DNAJC13: variants seen among roughly 807,000 people sequenced by gnomAD.
The protein encoded by DNAJC13 is DnaJ heat shock protein family (Hsp40) member C13.
Under a neutral mutation model 290.5 loss-of-function variants are expected in DNAJC13, and 75 were observed. The observed-to-expected ratio is 0.26, with a 90% CI of 0.21 to 0.31. The LOEUF (loss-of-function observed/expected upper bound fraction) is 0.31. DNAJC13 is among the 10% of genes least tolerant of loss of function. The pLI, the probability that DNAJC13 is intolerant of heterozygous loss-of-function variation, is 1.00. For synonymous variants in DNAJC13, 862 were observed against 892.0 expected, an observed-to-expected ratio of 0.97 and a Z score of 0.60; for missense variants, 2,260 against 2,674.5, an observed-to-expected ratio of 0.85 and a Z score of 3.42.
At chr3:132,462,350 T>G in intron 15 of DNAJC13, 117 bp from the exon 16 acceptor site, 2 of 902,856 alleles carry the variant, frequency 2.2e-6, no homozygotes, top group Non-Finnish European at 1.7e-6. Flanking sequence ...TATCCTTTAC[T>G]AATTTTGTGG....
At chr3:132,509,462 C>T (rs1403489760) in intron 43 of DNAJC13, among the ~76,000 whole-genome samples, 3 of 152,158 alleles carry the variant, frequency 2.0e-5, no homozygotes, top group African/African-American at 7.2e-5. Flanking sequence ...TGTGAAGATG[C>T]TGTGAACATT....
At chr3:132,439,319 C>G (rs551077449) in intron 2 of DNAJC13, among the ~76,000 whole-genome samples, 42 of 152,240 alleles carry the variant, frequency 2.8e-4, no homozygotes, top group African/African-American at 9.9e-4. Context: ...ATTTCTAATA[C>G]CTTTCTTATA....
At position 132,417,559 on chromosome 3, in the gene DNAJC13, G is replaced by A. The variant is rs1254182034; in HGVS notation, c.-215G>A. 1 of 152,172 alleles carries A rather than the reference G, an allele frequency of 6.6e-6. No homozygotes were observed. The highest frequency in any genetic ancestry group is 1.5e-5 in the Non-Finnish European group (1 of 68,036). 9.4% of individuals were successfully genotyped at this position (152,172 alleles called of 1,614,324 possible). ...GGCGGCCTCCAGAGTGAAACTCTGA[G>A]AGGCAGAGGGAGGAGGCGGAGGGGG... On this transcript the variant is annotated 5_prime_UTR_variant, in exon 1 of 56. Transcript: ENST00000260818.
intron 17 of DNAJC13, among the ~76,000 whole-genome samples, chr3:132,464,759 T>C (rs1274229181): frequency 1.3e-5 from 2 of 152,168 alleles, no homozygotes; most frequent in Non-Finnish European, 2.9e-5. Context: ...TTAGAGACTA[T>C]TGATAGCTTA....
At chr3:132,518,797 T>C (rs955252940) in intron 48 of DNAJC13, among the ~76,000 whole-genome samples, 3 of 152,214 alleles carry the variant, frequency 2.0e-5, no homozygotes, top group Non-Finnish European at 2.9e-5. Flanking sequence ...ATTTTAGGTT[T>C]GACTTTCATC....
rs370000529 is a variant in DNAJC13, at chr3:132,483,360, C to T, written c.2980-15C>T. ...TTTATTTTGTCTGTTTGTAATAATGCCTTCCATCCATTAGATGCAAGAATT... is the reference window on the plus strand; with the variant it reads ...TTTATTTTGTCTGTTTGTAATAATGTCTTCCATCCATTAGATGCAAGAATT... On this transcript the variant is annotated splice_polypyrimidine_tract_variant and intron_variant, in intron 27 of 55. Coordinates refer to ENST00000260818, the MANE Select transcript of DNAJC13 (RefSeq NM_015268.4). 6 of 1,607,696 alleles carry T rather than the reference C, an allele frequency of 3.7e-6. No homozygotes were observed. The highest frequency in any genetic ancestry group is 4.3e-6 in the Non-Finnish European group (5 of 1,174,376).
intron 1 of DNAJC13, among the ~76,000 whole-genome samples, chr3:132,430,052 C>A (rs1036600895): frequency 2.0e-5 from 3 of 152,164 alleles, no homozygotes; most frequent in East Asian, 3.8e-4. Context: ...TTCTCATCTG[C>A]ATCAGGAATA....
intron 1 of DNAJC13, among the ~76,000 whole-genome samples, chr3:132,423,636 G>A (rs1264149179): frequency 1.3e-5 from 2 of 152,176 alleles, no homozygotes; most frequent in Admixed American, 6.5e-5. Flanking sequence ...ACTGTAAAGC[G>A]CCACAGAAGA....
At chr3:132,465,315 G>C (rs1368987123) in intron 17 of DNAJC13, among the ~76,000 whole-genome samples, 1 of 152,104 alleles carries the variant, frequency 6.6e-6, no homozygotes, top group Non-Finnish European at 1.5e-5. Flanking sequence ...CCAAAGCACA[G>C]AAGGGTCACT....
At chr3:132,435,366 T>G (rs1939359312) in intron 2 of DNAJC13, among the ~76,000 whole-genome samples, 1 of 152,232 alleles carries the variant, frequency 6.6e-6, no homozygotes, top group Non-Finnish European at 1.5e-5. Flanking sequence ...GTGACCACAT[T>G]ATTCTGAATC....
At chr3:132,418,998 C>T (rs565325355) in intron 1 of DNAJC13, among the ~76,000 whole-genome samples, 3 of 152,276 alleles carry the variant, frequency 2.0e-5, no homozygotes, top group South Asian at 2.1e-4. Context: ...ACTTTATTGG[C>T]TTATCTATCA....
At chr3:132,481,137 A>C (rs1934658896) in intron 26 of DNAJC13, among the ~76,000 whole-genome samples, 1 of 152,200 alleles carries the variant, frequency 6.6e-6, no homozygotes, top group Admixed American at 6.5e-5. Flanking sequence ...TATCTTGCCC[A>C]AGGTCACCTG....
At chr3:132,530,736 T>A (rs1369520955) in intron 54 of DNAJC13, among the ~76,000 whole-genome samples, 1 of 152,226 alleles carries the variant, frequency 6.6e-6, no homozygotes, top group African/African-American at 2.4e-5. Flanking sequence ...GAATTACATA[T>A]AAGTCGGTAA....
At position 132,450,860 on chromosome 3, in the gene DNAJC13, T is replaced by A. The variant is rs1443410936; in HGVS notation, c.537+13T>A. ...ATTTAGTAGATTGGTAAGTACTATT[T>A]TAAAAAAAAAAAACACTTTAAAAGG... On this transcript the variant is annotated intron_variant, in intron 6 of 55. Transcript: ENST00000260818. The A allele has an allele frequency of 2.8e-6, 4 of 1,431,356 alleles. No homozygotes were observed. Among genetic ancestry groups the A allele is most frequent in the Admixed American group, 2.2e-5 (1 of 45,524 alleles). 88.7% of individuals were successfully genotyped at this position (1,431,356 alleles called of 1,614,324 possible).
intron 20 of DNAJC13, among the ~76,000 whole-genome samples, chr3:132,469,963 C>CTTTTTTTTTTTTTTTTTTTTTTTTTTTT (rs61726289): frequency 1.6e-5 from 1 of 61,154 alleles, no homozygotes; most frequent in African/African-American, 5.6e-5. Context: ...AGCAGAGATT[C>CTTTTTTTTTTTTTTTTTTTTTTTTTTTT]TTTTTTTTTT....
intron 55 of DNAJC13, among the ~76,000 whole-genome samples, chr3:132,536,994 T>G (rs1486187031): frequency 6.6e-6 from 1 of 152,176 alleles, no homozygotes; most frequent in Non-Finnish European, 1.5e-5. Flanking sequence ...TACAAGCCAT[T>G]TCACATCCAT....
In DNAJC13 at chr3:132,420,634, CAA is replaced by C. The variant is rs373937675; in HGVS notation, c.-14+2876_-14+2877del. 4.3e-3 allele frequency among the ~76,000 whole-genome samples: 650 copies of C among 152,036 alleles called. 9 individuals carry two copies. Among genetic ancestry groups the C allele is most frequent in the African/African-American group, 0.015 (608 of 41,458 alleles). ...CTACTAGGAAAGGAACAAGATTATG[CAA>C]AGAGGCACAACACAAAGAATCAAAC... On this transcript the variant is annotated intron_variant, in intron 1 of 55. Transcript: ENST00000260818.
intron 48 of DNAJC13, among the ~76,000 whole-genome samples, chr3:132,521,869 A>G (rs530358205): frequency 6.6e-6 from 1 of 152,344 alleles, no homozygotes; most frequent in African/African-American, 2.4e-5. Context: ...TGGGAACCCC[A>G]GGAGAAATTG....
At chr3:132,472,001 C>T (rs890307421) in intron 20 of DNAJC13, among the ~76,000 whole-genome samples, 5 of 149,280 alleles carry the variant, frequency 3.3e-5, no homozygotes, top group African/African-American at 7.4e-5. Context: ...CCCGGCACCT[C>T]GGGAGGCTGA....
Sources: allele counts gnomAD v4.1 joint callset (sites outside exome capture counted in the v4.1 genomes callset), GRCh38; gene constraint gnomAD v4.1.1; transcripts MANE v1.5; gene names NCBI Gene and HGNC (gene_info 2026-07-23, HGNC 2026-07-21).